The following PSMG4 variants were observed in gnomAD, a reference collection of about 807,000 sequenced individuals.
PSMG4 encodes proteasome (prosome, macropain) assembly chaperone 4.
In PSMG4, 10 loss-of-function variants were observed where a neutral mutation model predicts 11.0. The ratio of observed to expected loss-of-function variants is 0.91; its 90% CI spans 0.56 to 1.54. The LOEUF (loss-of-function observed/expected upper bound fraction) is 1.54, where lower values mean the gene tolerates loss of function less well. Ranked by LOEUF, PSMG4 falls within the 40% of genes most tolerant of loss-of-function variation. PSMG4 has a pLI of 0.00. For synonymous variants in PSMG4, 95 were observed against 71.3 expected (o/e 1.33, Z -1.68); for missense variants, 198 against 160.9 (o/e 1.23, Z -1.25).
chr6:3,266,879 G>A (rs1358536010), intron 2 of PSMG4: 4 of 151,054 alleles, frequency 2.6e-5, no homozygotes, highest in Admixed American at 6.6e-5. Context: ...TTTTTGAGAC[G>A]GAGTCTTGCT....
chr6:3,254,901 TG>T (rs1757696159), upstream of PSMG4: 1 of 839,502 alleles, frequency 1.2e-6, no homozygotes, highest in African/African-American at 1.8e-5. Context: ...TGTAAGTGAA[TG>T]ATCTCTGAGC....
At chr6:3,254,935 C>T (rs1447583865), upstream of PSMG4, 5 of 1,184,888 alleles carry the variant, frequency 4.2e-6, no homozygotes, top group Non-Finnish European at 5.8e-6. Flanking sequence ...CATTCTCTCA[C>T]TGGGTGTCAG....
Position 3,267,628 on chromosome 6 carries a change from C to G in PSMG4, c.288C>G (p.Asn96Lys). 1 of 1,551,968 alleles carries G rather than the reference C, an allele frequency of 6.4e-7. No homozygotes were observed. Among genetic ancestry groups the G allele is most frequent in the Non-Finnish European group, 8.7e-7 (1 of 1,147,010 alleles). ...KTNKQVFVSY[N>K]LQNTDSNFAL... is the part of the protein sequence containing the mutation. ...ACAAACAGGTGTTTGTCAGCTATAA[C>G]CTTCAGAACACAGACAGTAACTTCG... The change falls in exon 3 of 3, where the codon AAC becomes AAG. Residue 96 changes from asparagine (N) to lysine (K), a missense_variant. Asn to Lys is a moderately conservative substitution (Grantham distance 94). Transcript: ENST00000438998.
At chr6:3,260,291 A>ATATATATATATTTTTTTTTTTTTTT in intron 1 of PSMG4, among the ~76,000 whole-genome samples, 1 of 70,842 alleles carries the variant, frequency 1.4e-5, no homozygotes, top group African/African-American at 5.5e-5. Flanking sequence ...ATATATATAT[A>ATATATATATATTTTTTTTTTTTTTT]TTTTTTTTTT....
At chr6:3,260,291 A>ATATATATATATATATTTTTTTT in intron 1 of PSMG4, among the ~76,000 whole-genome samples, 1 of 70,836 alleles carries the variant, frequency 1.4e-5, no homozygotes, top group African/African-American at 5.5e-5. Context: ...ATATATATAT[A>ATATATATATATATATTTTTTTT]TTTTTTTTTT....
upstream of PSMG4, among the ~76,000 whole-genome samples, chr6:3,256,854 C>T (rs748359381): frequency 2.6e-5 from 4 of 152,034 alleles, no homozygotes; most frequent in Admixed American, 1.3e-4. Flanking sequence ...TAGAGGAGGC[C>T]GTGGCAGAAG....
intron 1 of PSMG4, 26 bp downstream of exon 1, chr6:3,259,222 G>T (rs1382127757): frequency 3.2e-6 from 4 of 1,264,578 alleles, no homozygotes; most frequent in African/African-American, 1.6e-5. Flanking sequence ...CCGAGGGTGC[G>T]GGCGGCGGGG....
chr6:3,264,016 C>T (rs892262522), intron 2 of PSMG4: 2 of 1,342,892 alleles, frequency 1.5e-6, no homozygotes, highest in Non-Finnish European at 2.0e-6. Context: ...TCCTTGAGTC[C>T]ATGAGCTGAT....
upstream of PSMG4, among the ~76,000 whole-genome samples, chr6:3,254,549 A>T (rs4997136): frequency 2.0e-5 from 3 of 151,434 alleles, no homozygotes; most frequent in Non-Finnish European, 4.4e-5. Context: ...AGGTGTGCAG[A>T]TTTGTTCTCG....
upstream of PSMG4, among the ~76,000 whole-genome samples, chr6:3,254,615 C>A (rs115993805): frequency 6.6e-6 from 1 of 152,220 alleles, no homozygotes; most frequent in South Asian, 2.1e-4. Flanking sequence ...GTAGGCGTAG[C>A]TTTAAGAGGT....
At chr6:3,261,486 T>C (rs2127259700) in intron 1 of PSMG4, among the ~76,000 whole-genome samples, 1 of 152,226 alleles carries the variant, frequency 6.6e-6, no homozygotes, top group Non-Finnish European at 1.5e-5. Flanking sequence ...CTCCTGTGGG[T>C]GGTTTTGGTC....
chr6:3,257,646 C>T (rs1052888829), upstream of PSMG4, among the ~76,000 whole-genome samples: 14 of 152,146 alleles, frequency 9.2e-5, no homozygotes, highest in African/African-American at 3.4e-4. Context: ...GGACAAAAAA[C>T]AGTACATACT....
At chr6:3,263,157 C>T (rs945844974) in intron 1 of PSMG4, among the ~76,000 whole-genome samples, 2 of 152,216 alleles carry the variant, frequency 1.3e-5, no homozygotes, top group African/African-American at 2.4e-5. Flanking sequence ...GTGGCTGGTG[C>T]CCTTTGTATC....
rs1561845841 is a variant in PSMG4 at position 3,267,953 on chromosome 6, G to A, written c.*241G>A. On this transcript the variant is annotated 3_prime_UTR_variant, in exon 3 of 3. Transcript: ENST00000438998. Reference sequence around the variant, plus strand: ...TGTGAGTGATAGAGGGATGAAATGGGATTTTTGTTGGGATTGAAGACTGTA... The same window carrying A: ...TGTGAGTGATAGAGGGATGAAATGGAATTTTTGTTGGGATTGAAGACTGTA... 2.8e-6 allele frequency: 1 copy of A among 357,808 alleles called. No individual in the cohort carries two copies. The allele number at this position is 357,808 out of a possible 1,614,324, so 22.2% of individuals were successfully genotyped here.
intron 1 of PSMG4, among the ~76,000 whole-genome samples, chr6:3,260,882 G>A (rs1057403293): frequency 2.0e-5 from 3 of 152,202 alleles, no homozygotes; most frequent in African/African-American, 7.2e-5. Flanking sequence ...TGACCTTCGG[G>A]CTCTGTTACC....
chr6:3,255,071 T>G, upstream of PSMG4: 1 of 1,550,990 alleles, frequency 6.4e-7, no homozygotes. Flanking sequence ...ACTTGGAATA[T>G]GCTTCTATTC....
At chr6:3,254,628 A>C (rs970811573), upstream of PSMG4, among the ~76,000 whole-genome samples, 2 of 152,098 alleles carry the variant, frequency 1.3e-5, no homozygotes, top group African/African-American at 4.8e-5. Flanking sequence ...TAAGAGGTGT[A>C]ACACTGATTG....
At chr6:3,254,483 T>G (rs4997139), upstream of PSMG4, among the ~76,000 whole-genome samples, 3 of 151,748 alleles carry the variant, frequency 2.0e-5, no homozygotes, top group Non-Finnish European at 4.4e-5. Context: ...ATAAATATTG[T>G]TGCTGGTGGT....
rs1352606471 is a variant in PSMG4, at chr6:3,267,847, C to T, written c.*135C>T. 2 of 928,890 alleles carry T rather than the reference C, an allele frequency of 2.2e-6. No individual in the cohort carries two copies. Among genetic ancestry groups the T allele is most frequent in the Non-Finnish European group, 3.2e-6 (2 of 631,586 alleles). The allele number at this position is 928,890 out of a possible 1,614,324, so 57.5% of individuals were successfully genotyped here. A position where few individuals can be genotyped will look rare whatever the true frequency, so the allele number is the denominator to read the frequency against. ...TTAATCTTTTGAGCTTCCTTCTCAG[C>T]AGTGTGTGGGCCAAAAGGCTCATAC... is the stretch of plus-strand genomic sequence containing the variant. On this transcript the variant is annotated 3_prime_UTR_variant, in exon 3 of 3. Coordinates refer to ENST00000438998, the MANE Select transcript of PSMG4 (RefSeq NM_001128591.2).
Sources: gnomAD v4.1 joint callset for allele counts (sites outside exome capture counted in the v4.1 genomes callset) on GRCh38, gnomAD v4.1.1 for gene constraint, MANE v1.5 for transcripts, NCBI Gene and HGNC (gene_info 2026-07-23, HGNC 2026-07-21) for gene names.